The following WNT2B variants were observed in gnomAD, a reference collection of about 807,000 sequenced individuals.
The protein encoded by WNT2B is protein Wnt-2b.
A neutral mutation model predicts 40.5 loss-of-function variants in WNT2B; 19 were observed. The observed-to-expected ratio is 0.47, with a 90% CI of 0.33 to 0.69. WNT2B has a LOEUF of 0.69. Among genes scored for constraint, WNT2B ranks in the 30% least tolerant of loss-of-function variants. The probability of loss-of-function intolerance (pLI) is 0.02; values close to 1 mark genes in which losing one functional copy is unlikely to be tolerated. For missense variants in WNT2B, 467 were observed against 556.4 expected (o/e 0.84, Z 1.62); for synonymous variants, 220 against 211.9 (o/e 1.04, Z -0.33).
chr1:112,490,459 A>G (rs1651560918), intron 1 of WNT2B, among the ~76,000 whole-genome samples: 1 of 151,996 alleles, frequency 6.6e-6, no homozygotes, highest in East Asian at 1.9e-4. Flanking sequence ...AGATAAGAGA[A>G]CAATAAATTA....
intron 1 of WNT2B, among the ~76,000 whole-genome samples, chr1:112,500,995 C>T (rs1651934295): frequency 6.6e-6 from 1 of 152,128 alleles, no homozygotes; most frequent in African/African-American, 2.4e-5. Flanking sequence ...TCCCCAGTGT[C>T]CTCTTCCTTT....
chr1:112,487,368 T>G (rs904754955), intron 1 of WNT2B, among the ~76,000 whole-genome samples: 1 of 152,200 alleles, frequency 6.6e-6, no homozygotes, highest in African/African-American at 2.4e-5. Flanking sequence ...GCTTCTCAAT[T>G]TATGATAGCA....
At chr1:112,514,669 A>T in intron 1 of WNT2B, 1 of 606,676 alleles carries the variant, frequency 1.6e-6, no homozygotes, top group Non-Finnish European at 2.9e-6. Context: ...GAGGCCACTC[A>T]ATTACTCTCT....
intron 1 of WNT2B, among the ~76,000 whole-genome samples, chr1:112,471,283 A>G (rs949757315): frequency 6.6e-6 from 1 of 152,138 alleles, no homozygotes; most frequent in Non-Finnish European, 1.5e-5. Context: ...CAGAGTTTGT[A>G]TGGGTAGAGG....
chr1:112,508,223 G>T (rs1369429367), upstream of WNT2B, among the ~76,000 whole-genome samples: 6 of 151,950 alleles, frequency 3.9e-5, no homozygotes, highest in Admixed American at 2.0e-4. This position sits in a 1 kb window ranked among gnomAD's most constrained non-coding sequence, Gnocchi z 4.2. Context: ...GAGGCACAGA[G>T]GGGGAGCGGG....
intron 1 of WNT2B, among the ~76,000 whole-genome samples, chr1:112,495,601 A>G (rs1030091443): frequency 6.6e-5 from 10 of 152,172 alleles, no homozygotes; most frequent in African/African-American, 2.2e-4. Context: ...AAAAAAAAAA[A>G]AAAATCCAGC....
intron 1 of WNT2B, among the ~76,000 whole-genome samples, chr1:112,467,859 G>C (rs1650751673): frequency 6.6e-6 from 1 of 152,100 alleles, no homozygotes; most frequent in Non-Finnish European, 1.5e-5. Flanking sequence ...AAGTATTGTT[G>C]CCAAGTATAG....
intron 1 of WNT2B, among the ~76,000 whole-genome samples, chr1:112,485,904 A>T (rs539286349): frequency 1.3e-5 from 2 of 152,314 alleles, no homozygotes; most frequent in South Asian, 2.1e-4. Flanking sequence ...GAATTCATTG[A>T]CATGATCATA....
rs66462658 is a variant in WNT2B, at chr1:112,481,169, C to CA, written c.-95+13593dup. ...GGGCAACAAGAGCAAAATTTCGTCT[C>CA]AAAAAAAAAAAAAAATTATACACCC... On this transcript the variant is annotated intron_variant, in intron 1 of 4. Transcript: ENST00000256640. Among the ~76,000 whole-genome samples the CA allele has an allele frequency of 3.1e-3, 418 of 136,902 alleles. 2 individuals carry two copies. Among genetic ancestry groups the CA allele is most frequent in the African/African-American group, 7.7e-3 (296 of 38,672 alleles). 89.8% of individuals were successfully genotyped at this position (136,902 alleles called of 152,430 possible). A position where few individuals can be genotyped will look rare whatever the true frequency, so the allele number is the denominator to read the frequency against.
At chr1:112,479,691 A>G (rs938954665) in intron 1 of WNT2B, among the ~76,000 whole-genome samples, 3 of 151,968 alleles carry the variant, frequency 2.0e-5, no homozygotes, top group African/African-American at 7.3e-5. Flanking sequence ...TTTGTAAGCA[A>G]TTGAAGTTAA....
intron 4 of WNT2B, among the ~76,000 whole-genome samples, chr1:112,519,616 G>A (rs796677348): frequency 6.6e-5 from 10 of 152,204 alleles, no homozygotes; most frequent in African/African-American, 2.4e-4. Flanking sequence ...TAAGGGGAAG[G>A]GATAATGCTT....
chr1:112,512,640 ATCTAACAC>A (rs1334121095), intron 1 of WNT2B, among the ~76,000 whole-genome samples: 1 of 152,250 alleles, frequency 6.6e-6, no homozygotes, highest in Non-Finnish European at 1.5e-5. Flanking sequence ...GAGTCAGGGC[ATCTAACAC>A]TCTACCAGAC....
At position 112,520,484 on chromosome 1, in the gene WNT2B, A is replaced by G. The variant is rs1652813484; in HGVS notation, c.1151A>G (p.Lys384Arg). Residue 384 changes from lysine to arginine, a missense_variant, in exon 5 of 5, where the codon AAG becomes AGG. Coordinates refer to ENST00000369684, the MANE Select transcript of WNT2B (RefSeq NM_024494.3). ...GTCCATACTTGCAAAGCCCCCAAGA[A>G]GGCAGAGTGGCTGGACCAAACCTGA... ...VDVHTCKAPK[K>R]AEWLDQT 1.2e-6 allele frequency: 2 copies of G among 1,614,034 alleles called. No homozygotes were observed. Among genetic ancestry groups the G allele is most frequent in the Non-Finnish European group, 1.7e-6 (2 of 1,180,042 alleles).
intron 1 of WNT2B, among the ~76,000 whole-genome samples, chr1:112,482,232 T>C (rs1348333295): frequency 6.6e-6 from 1 of 151,890 alleles, no homozygotes; most frequent in East Asian, 1.9e-4. Context: ...TGTGGGAGAA[T>C]AGTTTGAACC....
At chr1:112,478,235 A>AAG (rs920356402) in intron 1 of WNT2B, among the ~76,000 whole-genome samples, 1 of 151,954 alleles carries the variant, frequency 6.6e-6, no homozygotes, top group Non-Finnish European at 1.5e-5. Flanking sequence ...TGCTGTCTCA[A>AAG]AGAGAGAGAG....
At position 112,515,108 on chromosome 1, in the gene WNT2B, C is replaced by T. The variant is rs1166183227; in HGVS notation, c.403+14C>T. The T allele has an allele frequency of 2.5e-6, 4 of 1,611,648 alleles. No homozygotes were observed. The African/African-American group carries it at 5.3e-5, about 22-fold the overall frequency. On this transcript the variant is annotated intron_variant, in intron 2 of 4. Transcript: ENST00000369684. This position sits in a 1 kb window ranked among gnomAD's most constrained non-coding sequence, Gnocchi z 4.4. ...TCATGCTCAGAAGTAAGAGCCTCTT[C>T]CATCCTGTGTCAGCTCCTTCCCTTT...
Position 112,515,190 on chromosome 1 carries a change from C to T in WNT2B, c.403+96C>T. The T allele has an allele frequency of 1.5e-6, 2 of 1,344,848 alleles. No homozygotes were observed. Among genetic ancestry groups the T allele is most frequent in the Non-Finnish European group, 2.1e-6 (2 of 971,908 alleles). The allele number at this position is 1,344,848 out of a possible 1,614,324, so 83.3% of individuals were successfully genotyped here. ...GCAAGATCTCCCCTCTCCTCTCCCA[C>T]ACACTGTTTCATCATCAGAGAAAGA... On this transcript the variant is annotated intron_variant, in intron 2 of 4. Transcript: ENST00000369684. The surrounding 1 kb of genome is among the most constrained non-coding windows in gnomAD (Gnocchi z 4.4).
At chr1:112,467,389 C>T (rs946211326) in exon 1 of WNT2B, 5 of 617,990 alleles carry the variant, frequency 8.1e-6, no homozygotes, top group African/African-American at 1.9e-5. Flanking sequence ...GTTTAAGCTT[C>T]GAGGCCCATC....
chr1:112,517,001 AAT>A, intron 3 of WNT2B, 118 bp from the exon 4 acceptor site: 1 of 1,371,548 alleles, frequency 7.3e-7, no homozygotes, highest in Non-Finnish European at 9.9e-7. Flanking sequence ...CCGAGAGCTC[AAT>A]CGGCCAGCCA....
Sources: allele counts gnomAD v4.1 joint callset (sites outside exome capture counted in the v4.1 genomes callset), GRCh38; gene constraint gnomAD v4.1.1; non-coding constraint Gnocchi (gnomAD v3.1); transcripts MANE v1.5; gene names NCBI Gene and HGNC (gene_info 2026-07-23, HGNC 2026-07-21).